ABTB3: variants seen among roughly 807,000 people sequenced by gnomAD.
The protein encoded by ABTB3 is ankyrin repeat- and BTB/POZ domain-containing protein 3.
At chr12:107,577,667 G>A in the ABTB3 span, among the ~76,000 whole-genome samples, 17 of 152,066 alleles carry the variant, frequency 1.1e-4, no homozygotes, top group Non-Finnish European at 2.2e-4. Flanking sequence ...CCACAGTGAA[G>A]ATGTAGATGG....
chr12:107,456,722 C>T, the ABTB3 span, among the ~76,000 whole-genome samples: 1 of 152,174 alleles, frequency 6.6e-6, no homozygotes, highest in African/African-American at 2.4e-5. Flanking sequence ...AAACCAGTCC[C>T]TGGTACCAAA....
At chr12:107,653,877 C>T in the ABTB3 span, among the ~76,000 whole-genome samples, 9 of 152,138 alleles carry the variant, frequency 5.9e-5, no homozygotes, top group Admixed American at 1.3e-4. Context: ...GTATCACTAC[C>T]GTTCATCTAT....
At chr12:107,369,706 G>GTTTTTTTTTT in the ABTB3 span, among the ~76,000 whole-genome samples, 2 of 74,776 alleles carry the variant, frequency 2.7e-5, no homozygotes, top group African/African-American at 9.2e-5. Context: ...GCCCAAACAT[G>GTTTTTTTTTT]GTTTTTTTTT....
chr12:107,473,646 A>T, the ABTB3 span, among the ~76,000 whole-genome samples: 1 of 151,790 alleles, frequency 6.6e-6, no homozygotes, highest in East Asian at 1.9e-4. Flanking sequence ...ACTTCCCCTA[A>T]ATGGACTGAT....
chr12:107,350,332 C>T, the ABTB3 span, among the ~76,000 whole-genome samples: 7 of 151,940 alleles, frequency 4.6e-5, no homozygotes, highest in African/African-American at 7.3e-5. Context: ...CGAGGGATCA[C>T]GAGGTCAGGA....
the ABTB3 span, among the ~76,000 whole-genome samples, chr12:107,463,062 A>G: frequency 5.0e-4 from 74 of 148,024 alleles, 1 homozygote; most frequent in African/African-American, 1.8e-3. Context: ...GATGGTGATG[A>G]TGATGGTGGT....
chr12:107,658,159 G>A, the ABTB3 span: 1 of 158,456 alleles, frequency 6.3e-6, no homozygotes, highest in African/African-American at 2.4e-5. Flanking sequence ...GTGAGGCTGT[G>A]ACCAATAATG....
chr12:107,384,899 A>G, the ABTB3 span, among the ~76,000 whole-genome samples: 1 of 152,230 alleles, frequency 6.6e-6, no homozygotes, highest in African/African-American at 2.4e-5. Flanking sequence ...CTCTGGAATC[A>G]GGGGTTATAA....
the ABTB3 span, among the ~76,000 whole-genome samples, chr12:107,340,020 A>G: frequency 1.3e-5 from 2 of 150,428 alleles, no homozygotes; most frequent in Non-Finnish European, 3.0e-5. Flanking sequence ...ATTATTTTAT[A>G]TCCTCAGGAA....
At chr12:107,377,184 A>C in the ABTB3 span, among the ~76,000 whole-genome samples, 3 of 152,180 alleles carry the variant, frequency 2.0e-5, no homozygotes, top group Non-Finnish European at 4.4e-5. Context: ...GCCCATGTCC[A>C]GGGACTGATT....
At chr12:107,590,084 A>AT in the ABTB3 span, among the ~76,000 whole-genome samples, 196 of 150,946 alleles carry the variant, frequency 1.3e-3, no homozygotes, top group African/African-American at 4.3e-3. Context: ...TAATTCTTGT[A>AT]TTTTTTTTTA....
the ABTB3 span, among the ~76,000 whole-genome samples, chr12:107,519,018 C>T: frequency 6.6e-6 from 1 of 152,240 alleles, no homozygotes; most frequent in South Asian, 2.1e-4. Flanking sequence ...TCCTCAACCC[C>T]AAACGCAGCA....
At chr12:107,608,066 CA>C in the ABTB3 span, among the ~76,000 whole-genome samples, 3 of 152,186 alleles carry the variant, frequency 2.0e-5, no homozygotes, top group Admixed American at 6.5e-5. Context: ...AGTCAGCAAG[CA>C]GGGGGAGTGT....
chr12:107,495,947 C>T, the ABTB3 span, among the ~76,000 whole-genome samples: 1 of 152,146 alleles, frequency 6.6e-6, no homozygotes, highest in Non-Finnish European at 1.5e-5. Context: ...TGAAAGTTAA[C>T]TGTAGAATGA....
At chr12:107,602,848 C>T in the ABTB3 span, among the ~76,000 whole-genome samples, 1 of 152,186 alleles carries the variant, frequency 6.6e-6, no homozygotes, top group African/African-American at 2.4e-5. Context: ...TTGCTGTCCT[C>T]AGGCCTGCAG....
At chr12:107,363,039 G>A in the ABTB3 span, among the ~76,000 whole-genome samples, 32 of 152,218 alleles carry the variant, frequency 2.1e-4, no homozygotes, top group Non-Finnish European at 3.8e-4. Context: ...CTGCCTCCCC[G>A]TATCAGCATC....
At chr12:107,423,430 C>T in the ABTB3 span, among the ~76,000 whole-genome samples, 32 of 152,324 alleles carry the variant, frequency 2.1e-4, no homozygotes, top group African/African-American at 7.5e-4. Context: ...CACATGTTCT[C>T]TAACCACCTG....
chr12:107,390,353 G>A, the ABTB3 span, among the ~76,000 whole-genome samples: 1 of 152,162 alleles, frequency 6.6e-6, no homozygotes, highest in South Asian at 2.1e-4. Context: ...CTTGCCCAAG[G>A]CCACCTAGCC....
the ABTB3 span, among the ~76,000 whole-genome samples, chr12:107,564,090 C>CTGTGTGTGTGTG: frequency 5.4e-4 from 68 of 126,436 alleles, 1 homozygote; most frequent in South Asian, 8.0e-4. Flanking sequence ...ATCTATCTCT[C>CTGTGTGTGTGTG]TGTGTGTGTG....
Sources: gnomAD v4.1 joint callset for allele counts (sites outside exome capture counted in the v4.1 genomes callset) on GRCh38, gnomAD v4.1.1 for gene constraint, MANE v1.5 for transcripts, NCBI Gene and HGNC (gene_info 2026-07-23, HGNC 2026-07-21) for gene names.